The following GPC3 variants were observed in gnomAD, a reference collection of about 807,000 sequenced individuals.
GPC3 encodes the protein glypican-3.
In GPC3, 3 loss-of-function variants were observed where a neutral mutation model predicts 34.4. The observed-to-expected ratio is 0.09, with a 90% CI of 0.04 to 0.23. The LOEUF (loss-of-function observed/expected upper bound fraction) is 0.23, where lower values mean the gene tolerates loss of function less well. GPC3 is among the 10% of genes least tolerant of loss of function. The pLI, the probability that GPC3 is intolerant of heterozygous loss-of-function variation, is 1.00. For missense variants in GPC3, 351 were observed against 445.6 expected (o/e 0.79, Z 1.91); for synonymous variants, 177 against 174.0 (o/e 1.02, Z -0.13).
Position 133,562,528 on chromosome X carries a change from G to C in GPC3, c.1574-26235C>G, listed in dbSNP as rs749477625. Reference sequence around the variant, plus strand: ...CGCCTGTAATCCCAGCTACTCGGGTGGCTGAGGTACGAGAATTGCTTGACC... The same window carrying C: ...CGCCTGTAATCCCAGCTACTCGGGTCGCTGAGGTACGAGAATTGCTTGACC... On this transcript the variant is annotated intron_variant, in intron 7 of 7. Coordinates refer to ENST00000370818, the MANE Select transcript of GPC3 (RefSeq NM_004484.4). Among the ~76,000 whole-genome samples, 400 of 110,987 alleles carry C rather than the reference G, an allele frequency of 3.6e-3. 2 individuals are homozygous for C. The highest frequency in any genetic ancestry group is 5.3e-3 in the Non-Finnish European group (283 of 53,019).
At chrX:133,598,515 T>C (rs1422881307) in intron 6 of GPC3, among the ~76,000 whole-genome samples, 2 of 111,623 alleles carry the variant, frequency 1.8e-5, no homozygotes, top group Non-Finnish European at 3.8e-5. Flanking sequence ...TCAAATCTGC[T>C]TCTCCACTCA....
At chrX:133,955,704 T>C (rs1486411729) in intron 1 of GPC3, among the ~76,000 whole-genome samples, 1 of 109,794 alleles carries the variant, frequency 9.1e-6, no homozygotes, top group African/African-American at 3.3e-5. Flanking sequence ...ACTAAGAAGG[T>C]AGAATGAAAA....
intron 6 of GPC3, among the ~76,000 whole-genome samples, chrX:133,609,841 C>A (rs139190971): frequency 1.7e-3 from 187 of 112,410 alleles, no homozygotes; most frequent in African/African-American, 5.6e-3. Flanking sequence ...TTCACATCGA[C>A]CTTTCATCCC....
chrX:133,692,257 C>T, intron 5 of GPC3, 112 bp downstream of exon 5: 1 of 863,093 alleles, frequency 1.2e-6, no homozygotes, highest in Non-Finnish European at 1.7e-6. Flanking sequence ...ATAGATTTCT[C>T]TAGAATTTTT....
chrX:133,910,441 G>C (rs2076193043), intron 2 of GPC3, among the ~76,000 whole-genome samples: 1 of 111,377 alleles, frequency 9.0e-6, no homozygotes, highest in Non-Finnish European at 1.9e-5. Context: ...TTGAGTGCTA[G>C]TTCCAGCTTT....
chrX:133,553,300 T>C (rs995558532), intron 7 of GPC3, among the ~76,000 whole-genome samples: 2 of 111,423 alleles, frequency 1.8e-5, no homozygotes, highest in African/African-American at 6.5e-5. Flanking sequence ...AAATGAATGA[T>C]GAGATTTCAG....
intron 6 of GPC3, among the ~76,000 whole-genome samples, chrX:133,607,861 G>C (rs7890088): frequency 0.061 from 6,856 of 112,333 alleles, 534 homozygotes; most frequent in African/African-American, 0.21. Flanking sequence ...AGCAAAGGAA[G>C]CAGCTAACCC....
intron 1 of GPC3, among the ~76,000 whole-genome samples, chrX:133,954,738 CTTTTTTTTTTTTTT>C (rs1166218378): frequency 3.7e-5 from 2 of 53,786 alleles, no homozygotes; most frequent in African/African-American, 1.5e-4. Flanking sequence ...CAAACTTTCT[CTTTTTTTTTTTTTT>C]TTTTTTTTTT....
intron 2 of GPC3, among the ~76,000 whole-genome samples, chrX:133,917,653 C>T: frequency 8.9e-6 from 1 of 111,796 alleles, no homozygotes; most frequent in East Asian, 2.8e-4. Flanking sequence ...TTATGACTGT[C>T]ATTGGTTTTT....
chrX:133,624,644 T>A (rs1322765531), intron 6 of GPC3, among the ~76,000 whole-genome samples: 3 of 110,511 alleles, frequency 2.7e-5, no homozygotes, highest in Non-Finnish European at 5.7e-5. Flanking sequence ...CCAATAACAG[T>A]CTCTGAAATT....
rs777964443 is a variant in GPC3, at chrX:133,622,583, T to C, written c.1414-25984A>G. Among the ~76,000 whole-genome samples, 192 of 111,361 alleles carry C rather than the reference T, an allele frequency of 1.7e-3. 1 individual carries two copies. Among genetic ancestry groups the C allele is most frequent in the African/African-American group, 6.0e-3 (184 of 30,633 alleles). Reference sequence around the variant, plus strand: ...AAGAAAGGGTATCAGTGACTGAAGATCAAATGAATGAAATGAAGCGAGAAG... The same window carrying C: ...AAGAAAGGGTATCAGTGACTGAAGACCAAATGAATGAAATGAAGCGAGAAG... On this transcript the variant is annotated intron_variant, in intron 6 of 7. Coordinates refer to ENST00000370818, the MANE Select transcript of GPC3 (RefSeq NM_004484.4).
intron 6 of GPC3, among the ~76,000 whole-genome samples, chrX:133,633,941 G>A (rs1401652323): frequency 8.9e-6 from 1 of 111,760 alleles, no homozygotes; most frequent in Non-Finnish European, 1.9e-5. Flanking sequence ...AGGGGAGAAT[G>A]CAAAAAATCT....
intron 2 of GPC3, among the ~76,000 whole-genome samples, chrX:133,806,592 A>G (rs904504008): frequency 9.0e-6 from 1 of 111,499 alleles, no homozygotes; most frequent in Non-Finnish European, 1.9e-5. Flanking sequence ...TGAAATTGAG[A>G]TCACCTATTT....
chrX:133,687,092 A>ATTTTTTTTTTTT (rs775110101), intron 5 of GPC3, among the ~76,000 whole-genome samples: 67 of 69,235 alleles, frequency 9.7e-4, no homozygotes, highest in African/African-American at 1.3e-3. Flanking sequence ...TGGCCGGCTA[A>ATTTTTTTTTTTT]TTTTTTTTTT....
chrX:133,779,347 A>G (rs1382347734), intron 2 of GPC3, among the ~76,000 whole-genome samples: 1 of 112,252 alleles, frequency 8.9e-6, no homozygotes, highest in Admixed American at 9.4e-5. Context: ...AGAGACAGTT[A>G]TAATACAGTA....
chrX:133,703,909 G>A (rs1331243094), intron 3 of GPC3, among the ~76,000 whole-genome samples: 1 of 112,374 alleles, frequency 8.9e-6, no homozygotes, highest in Non-Finnish European at 1.9e-5. Flanking sequence ...GGGCCACATT[G>A]GAAGAAGAAG....
intron 2 of GPC3, among the ~76,000 whole-genome samples, chrX:133,928,953 T>A (rs997238918): frequency 8.0e-5 from 9 of 112,055 alleles, no homozygotes; most frequent in Non-Finnish European, 1.9e-5. Flanking sequence ...TTTGATGTAG[T>A]CCCATTTACT....
chrX:133,736,234 G>A (rs141085574), intron 3 of GPC3, among the ~76,000 whole-genome samples: 1,495 of 112,030 alleles, frequency 0.013, 26 homozygotes, highest in African/African-American at 0.045. Flanking sequence ...AATAACAATT[G>A]TTGGTGTGGA....
At chrX:133,825,473 T>A (rs1267872320) in intron 2 of GPC3, among the ~76,000 whole-genome samples, 1 of 111,784 alleles carries the variant, frequency 8.9e-6, no homozygotes, top group African/African-American at 3.3e-5. Context: ...GCTGTTTGCA[T>A]TTGACCTGAT....
Sources: allele counts gnomAD v4.1 joint callset (sites outside exome capture counted in the v4.1 genomes callset), GRCh38; gene constraint gnomAD v4.1.1; transcripts MANE v1.5; gene names NCBI Gene and HGNC (gene_info 2026-07-23, HGNC 2026-07-21).